Variants in TEX9 observed in about 807,000 individuals in gnomAD.
TEX9 encodes the protein testis expressed 9, also known as testis-expressed protein 9.
A neutral mutation model predicts 59.6 loss-of-function variants in TEX9; 74 were observed. The observed-to-expected ratio is 1.24, with a 90% CI of 1.03 to 1.51. The LOEUF (loss-of-function observed/expected upper bound fraction) is 1.51. TEX9 is among the 40% of genes most tolerant of loss of function. TEX9 has a pLI of 0.00. For synonymous variants in TEX9, 186 were observed against 152.2 expected (o/e 1.22, Z -1.64); for missense variants, 522 against 447.8 (o/e 1.17, Z -1.49).
At chr15:56,328,859 G>A (rs1344041604) in intron 1 of TEX9, among the ~76,000 whole-genome samples, 2 of 152,202 alleles carry the variant, frequency 1.3e-5, no homozygotes, top group Admixed American at 1.3e-4. Flanking sequence ...GGGAGAACTA[G>A]CCACCCTGAA....
chr15:56,275,411 C>T (rs1269772307), intron 1 of TEX9, among the ~76,000 whole-genome samples: 2 of 152,142 alleles, frequency 1.3e-5, no homozygotes, highest in Admixed American at 6.5e-5. Flanking sequence ...TGCTCTCTCC[C>T]AAATCTTTCT....
At chr15:56,417,015 T>C (rs2049723709) in intron 10 of TEX9, among the ~76,000 whole-genome samples, 1 of 151,872 alleles carries the variant, frequency 6.6e-6, no homozygotes, top group South Asian at 2.1e-4. Flanking sequence ...TAGTAGTTTC[T>C]GATGGTTGTT....
intron 1 of TEX9, among the ~76,000 whole-genome samples, chr15:56,286,457 A>T (rs1366358495): frequency 6.6e-6 from 1 of 152,182 alleles, no homozygotes; most frequent in African/African-American, 2.4e-5. Flanking sequence ...TAGCCAGAGA[A>T]AAATGACTCT....
At chr15:56,303,527 G>C (rs1376567065) in intron 1 of TEX9, among the ~76,000 whole-genome samples, 1 of 152,036 alleles carries the variant, frequency 6.6e-6, no homozygotes, top group African/African-American at 2.4e-5. Flanking sequence ...AAACCTATGA[G>C]ATACAGCAAA....
chr15:56,444,544 C>G (rs1460323839), intron 12 of TEX9: 2 of 1,610,856 alleles, frequency 1.2e-6, no homozygotes, highest in Non-Finnish European at 1.7e-6. Context: ...TCTTGTTCTT[C>G]AAGTTGTTTC....
intron 4 of TEX9, among the ~76,000 whole-genome samples, chr15:56,386,425 C>T (rs1697688738): frequency 1.3e-5 from 2 of 151,658 alleles, no homozygotes; most frequent in South Asian, 4.2e-4. Flanking sequence ...TGTGATGTAT[C>T]AATTATATCT....
intron 1 of TEX9, among the ~76,000 whole-genome samples, chr15:56,293,125 A>C (rs925764945): frequency 1.3e-5 from 2 of 152,164 alleles, no homozygotes; most frequent in Non-Finnish European, 2.9e-5. Flanking sequence ...ACTTGAGCCC[A>C]GGAGTTTGAA....
At chr15:56,346,482 C>G (rs554868452) in intron 1 of TEX9, among the ~76,000 whole-genome samples, 75 of 152,264 alleles carry the variant, frequency 4.9e-4, no homozygotes, top group African/African-American at 1.7e-3. Context: ...CAAAAAGAAG[C>G]ACTTAAAGCC....
At chr15:56,364,456 TTTTTC>T (rs1228049479), upstream of TEX9, among the ~76,000 whole-genome samples, 8 of 144,810 alleles carry the variant, frequency 5.5e-5, no homozygotes. Flanking sequence ...CCCAGCCTCT[TTTTTC>T]TTTTCTTTTT....
At chr15:56,369,286 G>A (rs536912914) in intron 2 of TEX9, among the ~76,000 whole-genome samples, 245 of 151,990 alleles carry the variant, frequency 1.6e-3, no homozygotes, top group Non-Finnish European at 2.5e-3. Context: ...CACCTCCTGG[G>A]CTCAAGAGTT....
intron 1 of TEX9, among the ~76,000 whole-genome samples, chr15:56,293,978 A>G (rs2045159981): frequency 6.6e-6 from 1 of 152,204 alleles, no homozygotes; most frequent in East Asian, 1.9e-4. Context: ...GTATGAGGGT[A>G]TTTGGGGAAC....
intron 1 of TEX9, among the ~76,000 whole-genome samples, chr15:56,318,626 G>T (rs1198719681): frequency 6.6e-6 from 1 of 151,224 alleles, no homozygotes; most frequent in African/African-American, 2.4e-5. Context: ...TCCTTCTTTT[G>T]TGTTAAATAA....
rs75767326 is a variant in TEX9, at chr15:56,322,664, T to C, written c.-106-50777T>C. ...TGACTCCAAGGCACAGTTGTATGATTTTTCTCTAGCGATGTTCAGGAGCCC... is the reference window on the plus strand; with the variant it reads ...TGACTCCAAGGCACAGTTGTATGATCTTTCTCTAGCGATGTTCAGGAGCCC... On this transcript the variant is annotated intron_variant, in intron 1 of 5. Coordinates refer to the TEX9 transcript ENST00000560827. Among the ~76,000 whole-genome samples, 3 of 152,240 alleles carry C rather than the reference T, an allele frequency of 2.0e-5. No homozygotes were observed. The South Asian group carries it at 6.2e-4, about 32-fold the overall frequency.
intron 4 of TEX9, among the ~76,000 whole-genome samples, chr15:56,385,372 TA>T (rs1468933260): frequency 6.6e-6 from 1 of 152,096 alleles, no homozygotes; most frequent in Non-Finnish European, 1.5e-5. Context: ...AATATCAGAC[TA>T]AACATGTGGA....
Position 56,342,150 on chromosome 15 carries a change from G to A in TEX9, c.-106-31291G>A, listed in dbSNP as rs935041968. On this transcript the variant is annotated intron_variant, in intron 1 of 5. Coordinates refer to the TEX9 transcript ENST00000560827. Reference sequence around the variant, plus strand: ...CACTCCTTCCTCTTCACTTGACACCGTCATCAGTTGGTACTTCTCTTGTGG... The same window carrying A: ...CACTCCTTCCTCTTCACTTGACACCATCATCAGTTGGTACTTCTCTTGTGG... Among the ~76,000 whole-genome samples the A allele has an allele frequency of 2.6e-5, 4 of 152,066 alleles. No individual in the cohort carries two copies. The South Asian group carries it at 6.2e-4, about 24-fold the overall frequency.
chr15:56,339,597 C>G (rs1202046804), intron 1 of TEX9, among the ~76,000 whole-genome samples: 1 of 152,018 alleles, frequency 6.6e-6, no homozygotes, highest in Non-Finnish European at 1.5e-5. Context: ...ATACCACATT[C>G]AGCAGAGTAG....
intron 4 of TEX9, 67 bp downstream of exon 4, chr15:56,384,098 T>G (rs2047858950): frequency 1.6e-6 from 2 of 1,254,890 alleles, no homozygotes; most frequent in Non-Finnish European, 2.3e-6. Flanking sequence ...TGTAAGATCT[T>G]TTTTGCATGC....
chr15:56,430,702 A>G (rs1195778265), intron 12 of TEX9, among the ~76,000 whole-genome samples: 3 of 152,050 alleles, frequency 2.0e-5, no homozygotes, highest in African/African-American at 7.3e-5. Context: ...CATCTTTGGC[A>G]TGTAAGTACT....
chr15:56,387,615 G>A (rs1297410827), intron 4 of TEX9, among the ~76,000 whole-genome samples: 22 of 151,938 alleles, frequency 1.4e-4, no homozygotes, highest in Admixed American at 1.3e-3. Flanking sequence ...AGGGGATATA[G>A]TGGAGTTTTT....
Sources: allele counts gnomAD v4.1 joint callset (sites outside exome capture counted in the v4.1 genomes callset), GRCh38; gene constraint gnomAD v4.1.1; transcripts MANE v1.5; gene names NCBI Gene and HGNC (gene_info 2026-07-23, HGNC 2026-07-21).